The following TMEM121B variants were observed in gnomAD, a reference collection of about 807,000 sequenced individuals.
TMEM121B encodes the protein transmembrane protein 121B, also known as cat eye syndrome chromosome region, candidate 6.
In TMEM121B, 14 loss-of-function variants were observed where a neutral mutation model predicts 25.1. That is an observed-to-expected ratio of 0.56 (90% CI 0.37 to 0.87). TMEM121B has a LOEUF of 0.87. TMEM121B is among the 40% of genes least tolerant of loss of function. The pLI is 0.00. For synonymous variants in TMEM121B, 458 were observed against 420.9 expected, an observed-to-expected ratio of 1.09 and a Z score of -1.08; for missense variants, 850 against 854.6, an observed-to-expected ratio of 0.99 and a Z score of 0.07.
chr22:17,120,621 G>A lies in TMEM121B; in HGVS notation c.507C>T (p.Cys169=). 1.6e-6 allele frequency: 2 copies of A among 1,269,800 alleles called. No homozygotes were observed. Among genetic ancestry groups the A allele is most frequent in the Non-Finnish European group, 2.0e-6 (2 of 1,007,626 alleles). 78.7% of individuals were successfully genotyped at this position (1,269,800 alleles called of 1,614,324 possible). Reference sequence around the variant, plus strand: ...GGCAGCCGCAGCAGCAGCAACACGGGCAGCAGGAGGCGCCGCTGCCGGTCC... The same window carrying A: ...GGCAGCCGCAGCAGCAGCAACACGGACAGCAGGAGGCGCCGCTGCCGGTCC... ...GTGTGSGASC[C]PCCCCCGCPD... Residue 169 remains cysteine (C), a synonymous_variant, in exon 1 of 1, where the codon TGC becomes TGT. Coordinates refer to ENST00000331437, the MANE Select transcript of TMEM121B (RefSeq NM_031890.4).
In TMEM121B at chr22:17,120,344, T is replaced by C; in HGVS notation, c.784A>G (p.Asn262Asp). The change falls in exon 1 of 1, where the codon AAC (asparagine) becomes GAC (aspartate). Residue 262 changes from asparagine to aspartate, a missense_variant. By Grantham distance (23) the Asn-to-Asp change is conservative (BLOSUM62 1). Coordinates refer to ENST00000331437, the MANE Select transcript of TMEM121B (RefSeq NM_031890.4). The stretch of plus-strand genomic sequence containing the variant: ...GCGTGGTGGTGGTGCAGGTGGTGGT[T>C]GTGCGCGCCGCTGGCTGCGCCGCCC... ...RRGGAASGAH[N>D]HHLHHHHAAP... 1 of 1,530,126 alleles carries C rather than the reference T, an allele frequency of 6.5e-7. No individual in the cohort carries two copies. Among genetic ancestry groups the C allele is most frequent in the South Asian group, 1.2e-5 (1 of 84,778 alleles). The allele number at this position is 1,530,126 out of a possible 1,614,324, so 94.8% of individuals were successfully genotyped here. A position where few individuals can be genotyped will look rare whatever the true frequency, so the allele number is the denominator to read the frequency against.
At position 17,117,315 on chromosome 22, in the gene TMEM121B, G is replaced by A. The variant is rs1351596551; in HGVS notation, c.*2076C>T. 6.5e-6 allele frequency: 1 copy of A among 152,786 alleles called. No individual in the cohort carries two copies. The highest frequency in any genetic ancestry group is 1.9e-4 in the East Asian group (1 of 5,196). The allele number at this position is 152,786 out of a possible 1,614,324, so 9.5% of individuals were successfully genotyped here. A position where few individuals can be genotyped will look rare whatever the true frequency, so the allele number is the denominator to read the frequency against. On this transcript the variant is annotated 3_prime_UTR_variant, in exon 1 of 1. Transcript: ENST00000331437. The stretch of plus-strand genomic sequence containing the variant: ...CAGCTATTGGGCCACATAGGGTGAG[G>A]GACTGGAAGCACAGATTGTGCATGG...
Position 17,120,504 on chromosome 22 carries a change from C to G in TMEM121B, c.624G>C (p.Leu208=). The change falls in exon 1 of 1, where the codon CTG becomes CTC. Residue 208 remains leucine (L), a synonymous_variant. Coordinates refer to ENST00000331437, the MANE Select transcript of TMEM121B (RefSeq NM_031890.4). The part of the protein sequence containing the change: ...WGYQALSVVL[L]LAQGGLLDLY... ...GGTCCAGCAGGCCGCCCTGCGCCAG[C>G]AGCAGCACCACGGACAGCGCCTGGT... 1 of 1,580,546 alleles carries G rather than the reference C, an allele frequency of 6.3e-7. No individual in the cohort carries two copies. Among genetic ancestry groups the G allele is most frequent in the Non-Finnish European group, 8.6e-7 (1 of 1,168,524 alleles).
At position 17,119,161 on chromosome 22, in the gene TMEM121B, T is replaced by G; in HGVS notation, c.*230A>C. 3.8e-6 allele frequency: 2 copies of G among 528,020 alleles called. No homozygotes were observed. The highest frequency in any genetic ancestry group is 2.5e-5 in the South Asian group (1 of 39,898). The allele number at this position is 528,020 out of a possible 1,614,324, so 32.7% of individuals were successfully genotyped here. ...AGCCCCTTGGAGGTCAGGATTGGGG[T>G]AGGATAGGAGAAGAGAGGAGAGGGT... is the stretch of plus-strand genomic sequence containing the variant. On this transcript the variant is annotated 3_prime_UTR_variant, in exon 1 of 1. Transcript: ENST00000331437.
rs2061493278 is a variant in TMEM121B at position 17,120,500 on chromosome 22, C to T, written c.628G>A (p.Ala210Thr). 6.3e-7 allele frequency: 1 copy of T among 1,581,700 alleles called. No individual in the cohort carries two copies. Among genetic ancestry groups the T allele is most frequent in the Non-Finnish European group, 8.6e-7 (1 of 1,168,888 alleles). Residue 210 changes from alanine to threonine, a missense_variant, in exon 1 of 1, where the codon GCG (alanine) becomes ACG (threonine). Physicochemically the swap from Ala to Thr is moderately conservative, Grantham distance 58 (BLOSUM62 0). Transcript: ENST00000331437. Reference protein sequence around the residue: ...YQALSVVLLLAQGGLLDLYLI... With the variant: ...YQALSVVLLLTQGGLLDLYLI... The stretch of plus-strand genomic sequence containing the variant: ...TACAGGTCCAGCAGGCCGCCCTGCG[C>T]CAGCAGCAGCACCACGGACAGCGCC...
At position 17,119,844 on chromosome 22, in the gene TMEM121B, A is replaced by G. The variant is rs1412755351; in HGVS notation, c.1284T>C (p.Leu428=). The change falls in exon 1 of 1, where the codon CTT becomes CTC. Residue 428 remains leucine, a synonymous_variant. Coordinates refer to ENST00000331437, the MANE Select transcript of TMEM121B (RefSeq NM_031890.4). ...CGAGGGTGAGGAAGTAGACGGCGAT[A>G]AGCAGGTAGCGCAGGTGCGCGGGCA... is the stretch of plus-strand genomic sequence containing the variant. ...VPLPAHLRYL[L]IAVYFLTLAS... is the part of the protein sequence containing the mutation. 6.3e-7 allele frequency: 1 copy of G among 1,586,850 alleles called. No individual in the cohort carries two copies. Among genetic ancestry groups the G allele is most frequent in the Non-Finnish European group, 8.5e-7 (1 of 1,174,298 alleles).
chr22:17,119,840 C>T lies in TMEM121B; in HGVS notation c.1288G>A (p.Ala430Thr), dbSNP rs1424189301. The T allele has an allele frequency of 1.9e-6, 3 of 1,587,344 alleles. No individual in the cohort carries two copies. The highest frequency in any genetic ancestry group is 2.6e-6 in the Non-Finnish European group (3 of 1,174,564). ...LPAHLRYLLI[A>T]VYFLTLASPV... is the part of the protein sequence containing the mutation. ...GAGGCGAGGGTGAGGAAGTAGACGG[C>T]GATAAGCAGGTAGCGCAGGTGCGCG... The change falls in exon 1 of 1, where the codon GCC (alanine) becomes ACC (threonine). Residue 430 changes from alanine to threonine, a missense_variant. By Grantham distance (58) the Ala-to-Thr change is moderately conservative (BLOSUM62 0). Coordinates refer to ENST00000331437, the MANE Select transcript of TMEM121B (RefSeq NM_031890.4).
Position 17,120,153 on chromosome 22 carries a change from G to A in TMEM121B, c.975C>T (p.Phe325=). The A allele has an allele frequency of 1.9e-6, 3 of 1,609,522 alleles. No homozygotes were observed. The highest frequency in any genetic ancestry group is 1.1e-5 in the South Asian group (1 of 90,814). The change falls in exon 1 of 1, where the codon TTC becomes TTT. Residue 325 remains phenylalanine, a synonymous_variant. Transcript: ENST00000331437. ...CCAGGATCAGCACCACCTTGGGAGT[G>A]AAGGCGATGGAGTAGATAAGCCAGG... ...YLAWLIYSIA[F]TPKVVLILGT... is the part of the protein sequence containing the mutation.
In TMEM121B at chr22:17,119,321, G is replaced by GTGAC; in HGVS notation, c.*66_*69dup. 6.6e-7 allele frequency: 1 copy of GTGAC among 1,521,106 alleles called. No homozygotes were observed. The highest frequency in any genetic ancestry group is 8.8e-7 in the Non-Finnish European group (1 of 1,139,772). 94.2% of individuals were successfully genotyped at this position (1,521,106 alleles called of 1,614,324 possible). A position where few individuals can be genotyped will look rare whatever the true frequency, so the allele number is the denominator to read the frequency against. On this transcript the variant is annotated 3_prime_UTR_variant, in exon 1 of 1. Coordinates refer to ENST00000331437, the MANE Select transcript of TMEM121B (RefSeq NM_031890.4). Reference sequence around the variant, plus strand: ...CCAAATAGACCCTGATCAAATCTAGGTGACAGAAGGTAGAAGACAAGGGGG... The same window carrying GTGAC: ...CCAAATAGACCCTGATCAAATCTAGGTGACTGACAGAAGGTAGAAGACAAGGGGG...
Position 17,121,304 on chromosome 22 carries a change from G to C in TMEM121B, c.-177C>G, listed in dbSNP as rs1188173058. 5.7e-6 allele frequency: 3 copies of C among 527,268 alleles called. No homozygotes were observed. Among genetic ancestry groups the C allele is most frequent in the Non-Finnish European group, 8.5e-6 (3 of 351,416 alleles). 32.7% of individuals were successfully genotyped at this position (527,268 alleles called of 1,614,324 possible). A position where few individuals can be genotyped will look rare whatever the true frequency, so the allele number is the denominator to read the frequency against. On this transcript the variant is annotated 5_prime_UTR_variant, in exon 1 of 1. Coordinates refer to ENST00000331437, the MANE Select transcript of TMEM121B (RefSeq NM_031890.4). ...CTGGAGCCACTGGACTGGGCGAGCC[G>C]GGCCGGGCGGCAGGGAGAGGGGGCA...
chr22:17,119,322 T>C lies in TMEM121B; in HGVS notation c.*69A>G. ...CAAATAGACCCTGATCAAATCTAGG[T>C]GACAGAAGGTAGAAGACAAGGGGGT... On this transcript the variant is annotated 3_prime_UTR_variant, in exon 1 of 1. Coordinates refer to ENST00000331437, the MANE Select transcript of TMEM121B (RefSeq NM_031890.4). 6.6e-7 allele frequency: 1 copy of C among 1,520,976 alleles called. No homozygotes were observed. The highest frequency in any genetic ancestry group is 8.8e-7 in the Non-Finnish European group (1 of 1,139,758). The allele number at this position is 1,520,976 out of a possible 1,614,324, so 94.2% of individuals were successfully genotyped here. A position where few individuals can be genotyped will look rare whatever the true frequency, so the allele number is the denominator to read the frequency against.
Position 17,121,177 on chromosome 22 carries a change from C to T in TMEM121B, c.-50G>A, listed in dbSNP as rs1205653218. The T allele has an allele frequency of 7.1e-6, 9 of 1,259,772 alleles. No individual in the cohort carries two copies. Among genetic ancestry groups the T allele is most frequent in the Non-Finnish European group, 4.0e-6 (4 of 1,002,458 alleles). 78.0% of individuals were successfully genotyped at this position (1,259,772 alleles called of 1,614,324 possible). ...GCCCAGCTGTTCCCTCCCCGCCAAC[C>T]CCGGGCGGGCGAGGCGGGCTAGGCG... On this transcript the variant is annotated 5_prime_UTR_variant, in exon 1 of 1. Transcript: ENST00000331437.
Position 17,120,526 on chromosome 22 carries a change from T to C in TMEM121B, c.602A>G (p.Gln201Arg), listed in dbSNP as rs1380740473. The C allele has an allele frequency of 6.4e-7, 1 of 1,560,506 alleles. No homozygotes were observed. Among genetic ancestry groups the C allele is most frequent in the Non-Finnish European group, 8.6e-7 (1 of 1,158,862 alleles). ...CAGCAGCAGCACCACGGACAGCGCC[T>C]GGTAGCCCCAGCGGCACCTGGGACT... The part of the protein sequence containing the change: ...APSPRCRWGY[Q>R]ALSVVLLLAQ... The change falls in exon 1 of 1, where the codon CAG (glutamine) becomes CGG (arginine). Residue 201 changes from glutamine to arginine, a missense_variant. Physicochemically the swap from Gln to Arg is conservative, Grantham distance 43. Transcript: ENST00000331437.
Position 17,116,488 on chromosome 22 carries a change from A to G in TMEM121B, c.*2903T>C, listed in dbSNP as rs2061470345. ...TGTTAAAATGGAACAGTCTTTAGAG[A>G]GGGTCTAGTCTTTTTAAAATAAGTA... On this transcript the variant is annotated 3_prime_UTR_variant, in exon 1 of 1. Transcript: ENST00000331437. 1 of 152,216 alleles carries G rather than the reference A, an allele frequency of 6.6e-6. No individual in the cohort carries two copies. The highest frequency in any genetic ancestry group is 6.5e-5 in the Admixed American group (1 of 15,284). 9.4% of individuals were successfully genotyped at this position (152,216 alleles called of 1,614,324 possible).
rs748238963 is a variant in TMEM121B, at chr22:17,120,965, C to A, written c.163G>T (p.Gly55Trp). The change falls in exon 1 of 1, where the codon GGG (glycine) becomes TGG (tryptophan). Residue 55 changes from glycine (G) to tryptophan (W), a missense_variant. Coordinates refer to ENST00000331437, the MANE Select transcript of TMEM121B (RefSeq NM_031890.4). ...CCGCCGCGTCTGCCGCCGCCTCCCC[C>A]GCGGCTGGTGCTGGTGCTGGTGCTG... Reference protein sequence around the residue: ...DSSTSTSTSRGGGGGRRGGGG... With the variant: ...DSSTSTSTSRWGGGGRRGGGG... 8 of 1,425,992 alleles carry A rather than the reference C, an allele frequency of 5.6e-6. No homozygotes were observed. The highest frequency in any genetic ancestry group is 2.7e-6 in the Non-Finnish European group (3 of 1,091,550). The allele number at this position is 1,425,992 out of a possible 1,614,324, so 88.3% of individuals were successfully genotyped here.
In TMEM121B at chr22:17,118,145, G is replaced by A. The variant is rs55654777; in HGVS notation, c.*1246C>T. On this transcript the variant is annotated 3_prime_UTR_variant, in exon 1 of 1. Transcript: ENST00000331437. ...CACCGACTGTAAGTGCACAGTCCCC[G>A]GATGTCTCTTGTCATCACCCTCAAT... 9,774 of 152,226 alleles carry A rather than the reference G, an allele frequency of 0.064. 436 individuals are homozygous for A. The highest frequency in any genetic ancestry group is 0.098 in the Non-Finnish European group (6,688 of 68,036). 9.4% of individuals were successfully genotyped at this position (152,226 alleles called of 1,614,324 possible). A position where few individuals can be genotyped will look rare whatever the true frequency, so the allele number is the denominator to read the frequency against.
Position 17,120,655 on chromosome 22 carries a change from C to A in TMEM121B, c.473G>T (p.Gly158Val), listed in dbSNP as rs1174054664. 1.4e-5 allele frequency: 17 copies of A among 1,181,602 alleles called. No individual in the cohort carries two copies. The highest frequency in any genetic ancestry group is 1.8e-5 in the Non-Finnish European group (17 of 957,280). The allele number at this position is 1,181,602 out of a possible 1,614,324, so 73.2% of individuals were successfully genotyped here. The change falls in exon 1 of 1, where the codon GGC becomes GTC. Residue 158 changes from glycine (G) to valine (V), a missense_variant. Transcript: ENST00000331437. Reference protein sequence around the residue: ...GPGSRSAGGAGGTGTGSGASC... With the variant: ...GPGSRSAGGAVGTGTGSGASC... ...GGCGCCGCTGCCGGTCCCGGTGCCG[C>A]CCGCGCCCCCCGCCGAGCGGCTCCC...
At position 17,121,002 on chromosome 22, in the gene TMEM121B, G is replaced by T; in HGVS notation, c.126C>A (p.Gly42=). The change falls in exon 1 of 1, where the codon GGC becomes GGA. Residue 42 remains glycine, a synonymous_variant. Coordinates refer to ENST00000331437, the MANE Select transcript of TMEM121B (RefSeq NM_031890.4). ...LRGGSFRGRR[G]SGDSSTSTST... is the part of the protein sequence containing the mutation. The stretch of plus-strand genomic sequence containing the variant: ...TGGTGCTGGTGCTGCTGTCGCCGGA[G>T]CCTCTCCGGCCGCGGAAGGAGCCCC... 6.8e-7 allele frequency: 1 copy of T among 1,468,902 alleles called. No individual in the cohort carries two copies. Among genetic ancestry groups the T allele is most frequent in the Non-Finnish European group, 9.0e-7 (1 of 1,112,886 alleles). 91.0% of individuals were successfully genotyped at this position (1,468,902 alleles called of 1,614,324 possible). A position where few individuals can be genotyped will look rare whatever the true frequency, so the allele number is the denominator to read the frequency against.
In TMEM121B at chr22:17,119,349, G is replaced by A; in HGVS notation, c.*42C>T. ...ACAGAAGGTAGAAGACAAGGGGGTT[G>A]GGGACTCTCAACCCAAAAACAAGGA... On this transcript the variant is annotated 3_prime_UTR_variant, in exon 1 of 1. Transcript: ENST00000331437. The A allele has an allele frequency of 6.5e-7, 1 of 1,538,006 alleles. No homozygotes were observed. The highest frequency in any genetic ancestry group is 8.7e-7 in the Non-Finnish European group (1 of 1,145,716).
Sources: allele counts gnomAD v4.1 joint callset, GRCh38; gene constraint gnomAD v4.1.1; transcripts MANE v1.5; gene names NCBI Gene and HGNC (gene_info 2026-07-23, HGNC 2026-07-21).